SLFN12L: variants seen among roughly 807,000 people sequenced by gnomAD.
The protein encoded by SLFN12L is schlafen family member 12 like.
A neutral mutation model predicts 34.8 loss-of-function variants in SLFN12L; 34 were observed. The ratio of observed to expected loss-of-function variants is 0.98; its 90% confidence interval spans 0.74 to 1.30. The LOEUF (loss-of-function observed/expected upper bound fraction) is 1.30, where lower values mean the gene tolerates loss of function less well. Among genes scored for constraint, SLFN12L ranks in the 50% most tolerant of loss-of-function variants. The probability of loss-of-function intolerance (pLI) is 0.00; values close to 1 mark genes in which losing one functional copy is unlikely to be tolerated. For synonymous variants in SLFN12L, 259 were observed against 247.5 expected (o/e 1.05, Z -0.44); for missense variants, 703 against 696.2 (o/e 1.01, Z -0.11).
intron 2 of SLFN12L, among the ~76,000 whole-genome samples, chr17:35,482,439 G>A (rs927984608): frequency 6.6e-6 from 1 of 152,320 alleles, no homozygotes; most frequent in African/African-American, 2.4e-5. Flanking sequence ...CCTCTTCCAA[G>A]TTGGGACGTG....
chr17:35,532,468 A>G (rs1415069083), intron 1 of SLFN12L, among the ~76,000 whole-genome samples: 2 of 152,056 alleles, frequency 1.3e-5, no homozygotes, highest in Non-Finnish European at 2.9e-5. Flanking sequence ...GCACAAAAGC[A>G]AAGCTTGTTT....
intron 2 of SLFN12L, among the ~76,000 whole-genome samples, chr17:35,483,315 C>T (rs1285379646): frequency 6.6e-6 from 1 of 152,168 alleles, no homozygotes; most frequent in African/African-American, 2.4e-5. Flanking sequence ...TCTTGTTCAC[C>T]CTTCACTTGT....
At chr17:35,533,104 A>G (rs760504021) in intron 1 of SLFN12L, among the ~76,000 whole-genome samples, 2 of 152,232 alleles carry the variant, frequency 1.3e-5, no homozygotes, top group Non-Finnish European at 2.9e-5. Context: ...AACATCAAAT[A>G]AACAGAATTT....
At chr17:35,516,922 T>C (rs567614611) in intron 2 of SLFN12L, among the ~76,000 whole-genome samples, 3 of 152,366 alleles carry the variant, frequency 2.0e-5, no homozygotes, top group Admixed American at 2.0e-4. Context: ...AAATGATTCA[T>C]GTAATTTTTC....
At position 35,467,984 on chromosome 17, in the gene SLFN12L, A is replaced by T. The variant is rs1220320324; in HGVS notation, c.*6939T>A. ...GAGTGCAGTGGCGTGATCACGATTCACTCCCCACTCTACTTCCTGGGTTCA... is the reference window on the plus strand; with the variant it reads ...GAGTGCAGTGGCGTGATCACGATTCTCTCCCCACTCTACTTCCTGGGTTCA... On this transcript the variant is annotated 3_prime_UTR_variant, in exon 5 of 5. Transcript: ENST00000628453. Among the ~76,000 whole-genome samples the T allele has an allele frequency of 6.6e-6, 1 of 151,582 alleles. No individual in the cohort carries two copies. Among genetic ancestry groups the T allele is most frequent in the Admixed American group, 6.6e-5 (1 of 15,212 alleles).
chr17:35,488,566 G>A (rs1225336891), intron 2 of SLFN12L, among the ~76,000 whole-genome samples: 1 of 152,114 alleles, frequency 6.6e-6, no homozygotes, highest in African/African-American at 2.4e-5. Context: ...CAGCCCACAC[G>A]TCTAAGAACT....
chr17:35,498,142 G>A, intron 2 of SLFN12L: 1 of 615,634 alleles, frequency 1.6e-6, no homozygotes. Context: ...CTGCAGCAGA[G>A]ACGACGGAGG....
Position 35,465,184 on chromosome 17 carries a change from C to G in SLFN12L, c.*9739G>C, listed in dbSNP as rs547629285. 5.3e-5 allele frequency among the ~76,000 whole-genome samples: 8 copies of G among 152,264 alleles called. No individual in the cohort carries two copies. Among genetic ancestry groups the G allele is most frequent in the Admixed American group, 4.6e-4 (7 of 15,292 alleles). ...CGTGAGCCACCACGCCTGGCCAGAA[C>G]TGAAAGCTCTAAATTAACTTTAACA... On this transcript the variant is annotated 3_prime_UTR_variant, in exon 5 of 5. Transcript: ENST00000628453.
intron 2 of SLFN12L, among the ~76,000 whole-genome samples, chr17:35,493,127 C>A (rs1028967890): frequency 6.6e-6 from 1 of 152,144 alleles, no homozygotes; most frequent in Non-Finnish European, 1.5e-5. Flanking sequence ...GGAAGAAAAA[C>A]GAAGGTGCAG....
intron 1 of SLFN12L, among the ~76,000 whole-genome samples, chr17:35,528,171 C>G (rs199591735): frequency 1.3e-5 from 2 of 152,076 alleles, no homozygotes; most frequent in Non-Finnish European, 2.9e-5. Context: ...TCAAGGAGAA[C>G]TACAAACCAC....
intron 2 of SLFN12L, among the ~76,000 whole-genome samples, chr17:35,511,103 A>C (rs972729920): frequency 5.3e-5 from 8 of 152,326 alleles, no homozygotes; most frequent in African/African-American, 1.7e-4. Context: ...CATTTAACTA[A>C]AGATTGTATT....
At position 35,472,255 on chromosome 17, in the gene SLFN12L, A is replaced by C. The variant is rs1913820041; in HGVS notation, c.*2668T>G. Among the ~76,000 whole-genome samples the C allele has an allele frequency of 6.6e-6, 1 of 152,046 alleles. No homozygotes were observed. The stretch of plus-strand genomic sequence containing the variant: ...TTTTTGTATAAAGTGTAAGGAAGGG[A>C]TCCAGTTTCAGTTTTCAGTTTGAGT... On this transcript the variant is annotated 3_prime_UTR_variant, in exon 5 of 5. Coordinates refer to ENST00000628453, the MANE Select transcript of SLFN12L (RefSeq NM_001363830.2).
chr17:35,530,210 G>A (rs544209368), intron 1 of SLFN12L, among the ~76,000 whole-genome samples: 3 of 147,804 alleles, frequency 2.0e-5, no homozygotes, highest in South Asian at 4.3e-4. Context: ...AGTCAGGCGT[G>A]GTGGCAGGCA....
chr17:35,522,189 C>T, intron 2 of SLFN12L, 90 bp downstream of exon 2: 1 of 1,523,788 alleles, frequency 6.6e-7, no homozygotes, highest in Non-Finnish European at 8.9e-7. Flanking sequence ...GATAATTTTA[C>T]CACTTAATTT....
intron 2 of SLFN12L, among the ~76,000 whole-genome samples, chr17:35,518,566 A>G (rs1218715831): frequency 4.7e-5 from 7 of 148,784 alleles, no homozygotes; most frequent in African/African-American, 1.8e-4. Context: ...AAAAAAAAAA[A>G]GACATTTATG....
At position 35,487,877 on chromosome 17, in the gene SLFN12L, G is replaced by C. The variant is rs781166031; in HGVS notation, c.87-7682C>G. 2.4e-5 allele frequency: 22 copies of C among 925,200 alleles called. 1 individual carries two copies. In the South Asian group the frequency reaches 3.1e-4, roughly 13 times the overall value. 57.3% of individuals were successfully genotyped at this position (925,200 alleles called of 1,614,324 possible). A position where few individuals can be genotyped will look rare whatever the true frequency, so the allele number is the denominator to read the frequency against. The stretch of plus-strand genomic sequence containing the variant: ...CTCCCCGGAAGTGGTGGCACCGCAC[G>C]CGCTGTTATCGACTCTGCGCCTTTG... On this transcript the variant is annotated intron_variant, in intron 2 of 4. Coordinates refer to ENST00000628453, the MANE Select transcript of SLFN12L (RefSeq NM_001363830.2).
At chr17:35,499,028 A>T (rs757889506) in intron 2 of SLFN12L, 30 of 734,680 alleles carry the variant, frequency 4.1e-5, no homozygotes, top group Non-Finnish European at 6.3e-5. Context: ...TGAACACTGC[A>T]GAAATCTCCC....
Position 35,466,948 on chromosome 17 carries a change from T to TA in SLFN12L, c.*7974dup, listed in dbSNP as rs1418918586. Among the ~76,000 whole-genome samples, 1 of 152,210 alleles carries TA rather than the reference T, an allele frequency of 6.6e-6. No individual in the cohort carries two copies. The highest frequency in any genetic ancestry group is 1.5e-5 in the Non-Finnish European group (1 of 68,030). Reference sequence around the variant, plus strand: ...TGACCCTCCATACCTGGCTACCTGTTATGCTTTCAGTCATGGAAACAGCAC... The same window carrying TA: ...TGACCCTCCATACCTGGCTACCTGTTAATGCTTTCAGTCATGGAAACAGCAC... On this transcript the variant is annotated 3_prime_UTR_variant, in exon 5 of 5. Coordinates refer to ENST00000628453, the MANE Select transcript of SLFN12L (RefSeq NM_001363830.2).
rs1914269788 is a variant in SLFN12L at position 35,480,194 on chromosome 17, T to C, written c.88A>G (p.Lys30Glu). 5.7e-6 allele frequency: 9 copies of C among 1,571,382 alleles called. No homozygotes were observed. Among genetic ancestry groups the C allele is most frequent in the Non-Finnish European group, 7.8e-6 (9 of 1,160,276 alleles). The change falls in exon 3 of 5, where the codon AAA (lysine) becomes GAA (glutamate). Residue 30 changes from lysine (K) to glutamate (E), a missense_variant and splice_region_variant. Transcript: ENST00000628453. The part of the protein sequence containing the change: ...ESQFLRNFIR[K>E]EFLRGNGLAA... ...AAGCCATTTCCACGCAGAAATTCTT[T>C]TCTGTAAAATAGAGCCGTTAGAATA... is the stretch of plus-strand genomic sequence containing the variant.
Sources: gnomAD v4.1 joint callset for allele counts (sites outside exome capture counted in the v4.1 genomes callset) on GRCh38, gnomAD v4.1.1 for gene constraint, MANE v1.5 for transcripts, NCBI Gene and HGNC (gene_info 2026-07-23, HGNC 2026-07-21) for gene names.